Variants in TTC6 observed in about 807,000 individuals in gnomAD.
TTC6 encodes tetratricopeptide repeat protein 6.
In TTC6, 172 loss-of-function variants were observed where a neutral mutation model predicts 210.4. The ratio of observed to expected loss-of-function variants is 0.82; its 90% CI spans 0.72 to 0.93. The LOEUF is 0.93. Among genes scored for constraint, TTC6 ranks in the 40% least tolerant of loss-of-function variants. TTC6 has a pLI of 0.00. For synonymous variants in TTC6, 804 were observed against 819.6 expected (o/e 0.98, Z 0.32); for missense variants, 2,414 against 2,318.1 (o/e 1.04, Z -0.85).
intron 1 of TTC6, among the ~76,000 whole-genome samples, chr14:37,635,489 C>A (rs1442990948): frequency 3.9e-5 from 6 of 152,172 alleles, no homozygotes; most frequent in African/African-American, 1.2e-4. Context: ...AATGTACCAA[C>A]TGAAAGGCAG....
intron 1 of TTC6, among the ~76,000 whole-genome samples, chr14:37,678,462 T>A (rs2095775263): frequency 6.6e-6 from 1 of 152,192 alleles, no homozygotes; most frequent in African/African-American, 2.4e-5. Context: ...AGCCAAAGCC[T>A]CAAGGACCCT....
At chr14:37,804,490 A>G (rs1019308462) in intron 20 of TTC6, among the ~76,000 whole-genome samples, 190 bp from the exon 23 acceptor site, 6 of 152,148 alleles carry the variant, frequency 3.9e-5, no homozygotes, top group African/African-American at 1.2e-4. Flanking sequence ...TGAGGGTAAG[A>G]CTTCTGAACT....
At chr14:37,777,957 C>T (rs2096042968) in intron 14 of TTC6, among the ~76,000 whole-genome samples, 1 of 152,042 alleles carries the variant, frequency 6.6e-6, no homozygotes, top group Non-Finnish European at 1.5e-5. Context: ...TGTCTTTGTT[C>T]TCTGGCCCCT....
rs60931072 is a variant in TTC6, at chr14:37,805,416, G to GACACACACACACAC, written c.4164+626_4164+639dup. 2.3e-4 allele frequency among the ~76,000 whole-genome samples: 34 copies of GACACACACACACAC among 146,516 alleles called. 1 individual carries two copies. In the Middle Eastern group the frequency reaches 0.011, roughly 46 times the overall value. On this transcript the variant is annotated intron_variant, in intron 21 of 30. Transcript: ENST00000553443. ...TGGATATTCTACAACTCTATCTCAA[G>GACACACACACACAC]ACACACACACACACACACACACACA...
At chr14:37,798,500 T>C (rs2096097926) in intron 20 of TTC6, among the ~76,000 whole-genome samples, 1 of 152,044 alleles carries the variant, frequency 6.6e-6, no homozygotes, top group Non-Finnish European at 1.5e-5. Flanking sequence ...TCTTAAAATG[T>C]TTAGTTCTGT....
intron 10 of TTC6, among the ~76,000 whole-genome samples, chr14:37,745,113 A>G (rs1316783291): frequency 6.6e-6 from 1 of 152,084 alleles, no homozygotes. Flanking sequence ...CCTGCCATAT[A>G]AATGTAAACT....
At chr14:37,822,267 A>C (rs2096159714) in intron 26 of TTC6, among the ~76,000 whole-genome samples, 1 of 152,246 alleles carries the variant, frequency 6.6e-6, no homozygotes, top group African/African-American at 2.4e-5. Flanking sequence ...AAGTAAAAAA[A>C]GTAAGTTGAC....
At chr14:37,774,786 T>C (rs114032216) in intron 14 of TTC6, among the ~76,000 whole-genome samples, 1,604 of 152,310 alleles carry the variant, frequency 0.011, 36 homozygotes, top group African/African-American at 0.035. Flanking sequence ...CTCTTCAATA[T>C]TTTTGTAATG....
intron 14 of TTC6, among the ~76,000 whole-genome samples, chr14:37,760,372 C>A (rs987355887): frequency 3.9e-5 from 6 of 152,178 alleles, no homozygotes; most frequent in East Asian, 1.9e-4. Context: ...TCCTCAGGAA[C>A]CTTTGTCCCA....
intron 14 of TTC6, among the ~76,000 whole-genome samples, chr14:37,765,845 A>G (rs993329558): frequency 1.3e-5 from 2 of 151,882 alleles, no homozygotes; most frequent in Non-Finnish European, 2.9e-5. Flanking sequence ...TTTTTAAAGC[A>G]CTTTAAATAT....
chr14:37,824,045 A>C (rs1270054255), intron 27 of TTC6, 88 bp downstream of exon 29: 1 of 1,195,758 alleles, frequency 8.4e-7, no homozygotes, highest in African/African-American at 1.5e-5. Context: ...AGTATATGTT[A>C]TTTCTTTGGT....
intron 20 of TTC6, among the ~76,000 whole-genome samples, chr14:37,801,672 T>C (rs1217555700): frequency 6.6e-6 from 1 of 152,122 alleles, no homozygotes; most frequent in Non-Finnish European, 1.5e-5. Context: ...GGGACCTGAG[T>C]GCAGCCAACA....
rs2096083627 is a variant in TTC6 at position 37,792,861 on chromosome 14, G to C, written c.3708+447G>C. ...GTTCATACAATGGGATCCAACCATA[G>C]AATGGGATACTGACCATTCATACTT... On this transcript the variant is annotated intron_variant, in intron 17 of 30. Coordinates refer to ENST00000553443, the Ensembl canonical transcript of TTC6. Among the ~76,000 whole-genome samples, 3 of 150,784 alleles carry C rather than the reference G, an allele frequency of 2.0e-5. No individual in the cohort carries two copies. In the South Asian group the frequency reaches 6.3e-4, roughly 32 times the overall value.
At chr14:37,784,918 ATTCTT>A (rs1325173255) in intron 14 of TTC6, among the ~76,000 whole-genome samples, 2 of 152,176 alleles carry the variant, frequency 1.3e-5, no homozygotes, top group East Asian at 3.9e-4. Context: ...TGGGTTGAAA[ATTCTT>A]TTCTTTAAGA....
At chr14:37,710,436 C>G (rs958259552) in intron 5 of TTC6, among the ~76,000 whole-genome samples, 4 of 152,226 alleles carry the variant, frequency 2.6e-5, no homozygotes, top group South Asian at 2.1e-4. Flanking sequence ...ATATATTTCT[C>G]TCTCTGGCCT....
intron 20 of TTC6, among the ~76,000 whole-genome samples, chr14:37,803,297 T>A (rs2096111049): frequency 6.6e-6 from 1 of 151,980 alleles, no homozygotes; most frequent in Non-Finnish European, 1.5e-5. Context: ...TTTCTTTATT[T>A]CTGTGGTTAT....
intron 6 of TTC6, among the ~76,000 whole-genome samples, chr14:37,723,363 A>G (rs1327646191): frequency 1.3e-5 from 2 of 152,214 alleles, no homozygotes; most frequent in East Asian, 3.9e-4. Context: ...CTGTCAAAGC[A>G]AGGAAATATA....
chr14:37,753,214 A>G (rs1467126949), exon 14 of TTC6: 2 of 1,531,836 alleles, frequency 1.3e-6, no homozygotes, highest in African/African-American at 2.7e-5. Flanking sequence ...TTAAATATAG[A>G]TCACCAAAAT....
chr14:37,807,181 A>G (rs1378939442), intron 22 of TTC6, 139 bp from the exon 25 acceptor site: 6 of 761,028 alleles, frequency 7.9e-6, no homozygotes, highest in African/African-American at 1.8e-5. Flanking sequence ...TTTTTCTAAT[A>G]AAAGAAAAAT....
Sources: gnomAD v4.1 joint callset for allele counts (sites outside exome capture counted in the v4.1 genomes callset) on GRCh38, gnomAD v4.1.1 for gene constraint, MANE v1.5 for transcripts, NCBI Gene and HGNC (gene_info 2026-07-23, HGNC 2026-07-21) for gene names.